TMPRSS9: variants seen among roughly 807,000 people sequenced by gnomAD.
TMPRSS9 encodes the protein transmembrane serine protease 9, also known as transmembrane protease serine 9.
A neutral mutation model predicts 111.4 loss-of-function variants in TMPRSS9; 113 were observed. That is an observed-to-expected ratio of 1.01 (90% confidence interval 0.87 to 1.19). The LOEUF is 1.19. TMPRSS9 is among the 50% of genes most tolerant of loss of function. The probability of loss-of-function intolerance (pLI) is 0.00; values close to 1 mark genes in which losing one functional copy is unlikely to be tolerated. For synonymous variants in TMPRSS9, 805 were observed against 659.1 expected, an observed-to-expected ratio of 1.22 and a Z score of -3.39; for missense variants, 1,803 against 1,513.1, an observed-to-expected ratio of 1.19 and a Z score of -3.18.
chr19:2,415,234 C>A (rs545755066), intron 10 of TMPRSS9, among the ~76,000 whole-genome samples: 3 of 152,166 alleles, frequency 2.0e-5, no homozygotes, highest in Admixed American at 6.5e-5. Flanking sequence ...CATGAGCCAC[C>A]GCGCCCGGCC....
chr19:2,388,077 T>C (rs1970513292), upstream of TMPRSS9, among the ~76,000 whole-genome samples: 1 of 152,104 alleles, frequency 6.6e-6, no homozygotes, highest in African/African-American at 2.4e-5. Flanking sequence ...TCACAAATTC[T>C]TTGATGCACC....
chr19:2,362,372 G>A (rs896086090), intron 1 of TMPRSS9, among the ~76,000 whole-genome samples: 2 of 147,302 alleles, frequency 1.4e-5, no homozygotes, highest in African/African-American at 5.2e-5. Context: ...GTGCAGCCAT[G>A]TGTGTCATTG....
intron 9 of TMPRSS9, among the ~76,000 whole-genome samples, chr19:2,411,715 A>C (rs12611276): frequency 0.093 from 14,080 of 151,974 alleles, 929 homozygotes; most frequent in East Asian, 0.26. Context: ...CCACGCCTGG[A>C]TAATTTTTAT....
chr19:2,361,992 TTGTG>T lies in TMPRSS9; in HGVS notation c.-26+1637_-26+1640del, dbSNP rs1568463764. Among the ~76,000 whole-genome samples, 5 of 152,134 alleles carry T rather than the reference TTGTG, an allele frequency of 3.3e-5. No homozygotes were observed. In the South Asian group the frequency reaches 8.3e-4, roughly 25 times the overall value. ...GAGTTGTCTGTGTGGCTGTGTGTGA[TTGTG>T]TGTGATCATGTGATTGTGTGTGATG... On this transcript the variant is annotated intron_variant, in intron 1 of 17. Coordinates refer to the TMPRSS9 transcript ENST00000649857.
chr19:2,373,485 C>T (rs974067547), intron 1 of TMPRSS9, among the ~76,000 whole-genome samples: 1 of 152,108 alleles, frequency 6.6e-6, no homozygotes, highest in Non-Finnish European at 1.5e-5. Context: ...CCACTTTGGC[C>T]TCCCAAAGTG....
chr19:2,425,108 A>G lies in TMPRSS9; in HGVS notation c.2824A>G (p.Asn942Asp), dbSNP rs1227134746. Reference sequence around the variant, plus strand: ...GCGCATCTACAAGCACCCGTTCTACAATCTCTACACGCTCGACTACGACGT... The same window carrying G: ...GCGCATCTACAAGCACCCGTTCTACGATCTCTACACGCTCGACTACGACGT... Residue 942 changes from asparagine (N) to aspartate (D), a missense_variant, in exon 16 of 18, where the codon AAT becomes GAT. Asn to Asp is a conservative substitution (Grantham distance 23). Transcript: ENST00000648592. The G allele has an allele frequency of 1.9e-6, 3 of 1,584,136 alleles. No homozygotes were observed. In the South Asian group the frequency reaches 3.3e-5, roughly 18 times the overall value.
Position 2,424,069 on chromosome 19 carries a change from C to A in TMPRSS9, c.2549-20C>A. ...GAGGTGCCCTGGGTCCGCCTGCCCA[C>A]GCGCCTGGCTCCCCCGCAGACTGTG... On this transcript the variant is annotated intron_variant, in intron 14 of 17. Transcript: ENST00000648592. The A allele has an allele frequency of 3.2e-6, 4 of 1,260,460 alleles. No homozygotes were observed. The South Asian group carries it at 1.1e-4, about 36-fold the overall frequency. The allele number at this position is 1,260,460 out of a possible 1,614,324, so 78.1% of individuals were successfully genotyped here. A position where few individuals can be genotyped will look rare whatever the true frequency, so the allele number is the denominator to read the frequency against.
At chr19:2,364,866 A>AGTCCC (rs1970236189) in intron 1 of TMPRSS9, among the ~76,000 whole-genome samples, 1 of 151,930 alleles carries the variant, frequency 6.6e-6, no homozygotes, top group African/African-American at 2.4e-5. Context: ...GGGCGCCTGT[A>AGTCCC]ATCTCGGGAG....
chr19:2,385,373 G>T (rs1273142698), upstream of TMPRSS9, among the ~76,000 whole-genome samples: 1 of 152,192 alleles, frequency 6.6e-6, no homozygotes, highest in Non-Finnish European at 1.5e-5. Context: ...AGTTTCTCGC[G>T]GAAAATGGGT....
chr19:2,391,653 G>A (rs9676371), intron 1 of TMPRSS9, among the ~76,000 whole-genome samples: 81,669 of 150,470 alleles, frequency 0.54, 22,939 homozygotes, highest in Middle Eastern at 0.68. Context: ...GCGGGGCAGA[G>A]TTTCTCATCT....
intron 2 of TMPRSS9, among the ~76,000 whole-genome samples, chr19:2,397,095 A>G (rs1231112195): frequency 6.6e-6 from 1 of 150,664 alleles, no homozygotes; most frequent in Non-Finnish European, 1.5e-5. Flanking sequence ...TGATTTTTGT[A>G]TTTTTAGTAG....
At chr19:2,370,885 C>T (rs1030386468) in intron 1 of TMPRSS9, among the ~76,000 whole-genome samples, 8 of 151,764 alleles carry the variant, frequency 5.3e-5, no homozygotes, top group Admixed American at 2.0e-4. Flanking sequence ...TCCCTTGAGC[C>T]CAAGAGTTCA....
intron 8 of TMPRSS9, among the ~76,000 whole-genome samples, chr19:2,409,209 C>T (rs547851322): frequency 3.4e-5 from 5 of 146,360 alleles, no homozygotes; most frequent in African/African-American, 1.3e-4. Flanking sequence ...GGTGCGATCT[C>T]TGCTCACTGC....
intron 11 of TMPRSS9, chr19:2,416,144 CAGG>C (rs1263618192): frequency 1.6e-5 from 7 of 425,172 alleles, no homozygotes; most frequent in African/African-American, 1.0e-4. Context: ...GAGCGTGAGG[CAGG>C]AGAATTGCTT....
intron 1 of TMPRSS9, among the ~76,000 whole-genome samples, chr19:2,372,963 C>G (rs550564363): frequency 1.2e-4 from 19 of 152,102 alleles, no homozygotes; most frequent in Non-Finnish European, 1.3e-4. Context: ...TCCAAAGTAG[C>G]TGGAACCACA....
At chr19:2,425,772 A>G (rs189875477) in intron 17 of TMPRSS9, 155 bp from the exon 19 acceptor site, 133 of 1,250,764 alleles carry the variant, frequency 1.1e-4, no homozygotes, top group Non-Finnish European at 1.3e-4. Flanking sequence ...GTGTCCATAA[A>G]TGTCTGCCAC....
chr19:2,408,144 C>A (rs1307289939), intron 7 of TMPRSS9, among the ~76,000 whole-genome samples: 6 of 151,626 alleles, frequency 4.0e-5, no homozygotes, highest in Non-Finnish European at 8.8e-5. Context: ...GTCTTGAACT[C>A]CTGGGCTCAG....
intron 1 of TMPRSS9, among the ~76,000 whole-genome samples, chr19:2,377,149 G>A (rs1318907873): frequency 6.6e-6 from 1 of 150,748 alleles, no homozygotes; most frequent in East Asian, 2.0e-4. Context: ...GCTGTCCCTG[G>A]GGCTCTTGGC....
intron 13 of TMPRSS9, 73 bp from the exon 15 acceptor site, chr19:2,421,781 G>A (rs1599317890): frequency 4.0e-6 from 6 of 1,491,330 alleles, no homozygotes; most frequent in Middle Eastern, 2.0e-4. Context: ...CTGTAGGAAC[G>A]CAGGAGGGTA....
Sources: allele counts gnomAD v4.1 joint callset (sites outside exome capture counted in the v4.1 genomes callset), GRCh38; gene constraint gnomAD v4.1.1; transcripts MANE v1.5; gene names NCBI Gene and HGNC (gene_info 2026-07-23, HGNC 2026-07-21).